The following ERBB4 variants were observed in gnomAD, a reference collection of about 807,000 sequenced individuals.
The protein encoded by ERBB4 is erb-b2 receptor tyrosine kinase 4.
In ERBB4, 42 loss-of-function variants were observed where a neutral mutation model predicts 158.0. That is an observed-to-expected ratio of 0.27 (90% CI 0.21 to 0.34). ERBB4 has a LOEUF of 0.34. Among genes scored for constraint, ERBB4 ranks in the 10% least tolerant of loss-of-function variants. The probability of loss-of-function intolerance (pLI) is 1.00; values close to 1 mark genes in which losing one functional copy is unlikely to be tolerated. For synonymous variants in ERBB4, 583 were observed against 558.7 expected, an observed-to-expected ratio of 1.04 and a Z score of -0.61; for missense variants, 1,333 against 1,624.1, an observed-to-expected ratio of 0.82 and a Z score of 3.08.
chr2:211,922,381 T>G (rs1458647532), intron 3 of ERBB4, among the ~76,000 whole-genome samples: 1 of 152,116 alleles, frequency 6.6e-6, no homozygotes, highest in East Asian at 1.9e-4. Flanking sequence ...ATATCAAAAG[T>G]CTCTCTGAAT....
intron 19 of ERBB4, among the ~76,000 whole-genome samples, chr2:211,599,670 A>G (rs2068742926): frequency 6.6e-6 from 1 of 152,046 alleles, no homozygotes; most frequent in Admixed American, 6.6e-5. Flanking sequence ...GCCACCATAA[A>G]TATTTCTGTA....
chr2:212,464,188 C>G (rs1057509580), intron 1 of ERBB4, among the ~76,000 whole-genome samples: 1 of 152,036 alleles, frequency 6.6e-6, no homozygotes, highest in African/African-American at 2.4e-5. Context: ...TTAATTATTG[C>G]TTTGAAATCA....
chr2:211,776,957 G>A (rs948435737), intron 4 of ERBB4, among the ~76,000 whole-genome samples: 2 of 152,078 alleles, frequency 1.3e-5, no homozygotes, highest in Admixed American at 6.6e-5. Context: ...TGGAGCGTTC[G>A]TGGTTAAAAT....
intron 18 of ERBB4, among the ~76,000 whole-genome samples, chr2:211,620,892 G>A (rs2069574782): frequency 6.6e-6 from 1 of 152,082 alleles, no homozygotes; most frequent in Admixed American, 6.6e-5. Context: ...GGTCTCTTGA[G>A]CTCAGGAGTT....
At chr2:211,864,193 T>TG (rs2078144438) in intron 3 of ERBB4, among the ~76,000 whole-genome samples, 1 of 152,334 alleles carries the variant, frequency 6.6e-6, no homozygotes, top group East Asian at 1.9e-4. Context: ...ACTGGCCCTT[T>TG]TTCCCACCTC....
At chr2:211,996,246 A>T (rs1376327326) in intron 2 of ERBB4, among the ~76,000 whole-genome samples, 3 of 152,118 alleles carry the variant, frequency 2.0e-5, no homozygotes, top group Non-Finnish European at 4.4e-5. Context: ...ATCTTTTCAT[A>T]AAATTAAAAA....
intron 19 of ERBB4, among the ~76,000 whole-genome samples, chr2:211,580,402 A>G (rs2068031774): frequency 6.6e-6 from 1 of 152,124 alleles, no homozygotes; most frequent in African/African-American, 2.4e-5. Context: ...AAAATGCTCA[A>G]CATCACTAAT....
chr2:212,211,487 T>C (rs1413970029), intron 1 of ERBB4, among the ~76,000 whole-genome samples: 1 of 152,064 alleles, frequency 6.6e-6, no homozygotes, highest in Non-Finnish European at 1.5e-5. Flanking sequence ...GAGTTAGACA[T>C]GTAGTCTACA....
intron 1 of ERBB4, among the ~76,000 whole-genome samples, chr2:212,514,175 A>G (rs1261476693): frequency 3.3e-5 from 5 of 151,802 alleles, no homozygotes; most frequent in African/African-American, 4.9e-5. Context: ...TTGCACTGAA[A>G]TTGTGTAAAA....
intron 3 of ERBB4, among the ~76,000 whole-genome samples, chr2:211,919,588 T>A (rs1234977092): frequency 6.6e-6 from 1 of 152,002 alleles, no homozygotes; most frequent in Admixed American, 6.6e-5. Context: ...TATTTATCCT[T>A]TGGGGCTCAT....
chr2:212,529,263 A>T (rs1000526923), intron 1 of ERBB4, among the ~76,000 whole-genome samples: 1 of 152,204 alleles, frequency 6.6e-6, no homozygotes, highest in African/African-American at 2.4e-5. Context: ...TAGCAAAATA[A>T]TAGCCATTAA....
intron 25 of ERBB4, among the ~76,000 whole-genome samples, chr2:211,407,111 A>G (rs1465081154): frequency 6.6e-6 from 1 of 151,988 alleles, no homozygotes. Context: ...AAAAAACTAA[A>G]CTCAAGGGGT....
At chr2:212,082,013 A>G (rs1311195591) in intron 2 of ERBB4, among the ~76,000 whole-genome samples, 1 of 152,104 alleles carries the variant, frequency 6.6e-6, no homozygotes, top group Non-Finnish European at 1.5e-5. Context: ...CCACGGAACA[A>G]TTATAATACT....
chr2:212,422,928 C>T (rs2091828733), intron 1 of ERBB4, among the ~76,000 whole-genome samples: 1 of 152,106 alleles, frequency 6.6e-6, no homozygotes, highest in South Asian at 2.1e-4. Context: ...ATATATCAGT[C>T]ATTGCTAACA....
At chr2:212,077,173 T>C (rs1363285448) in intron 2 of ERBB4, among the ~76,000 whole-genome samples, 1 of 152,062 alleles carries the variant, frequency 6.6e-6, no homozygotes, top group Non-Finnish European at 1.5e-5. Context: ...ATGGGAAGAC[T>C]TGTTATGGTA....
At chr2:211,567,167 C>T (rs911827287) in intron 19 of ERBB4, among the ~76,000 whole-genome samples, 2 of 152,168 alleles carry the variant, frequency 1.3e-5, no homozygotes, top group South Asian at 2.1e-4. Flanking sequence ...AGATTACCGG[C>T]CCAGGTCATG....
At chr2:212,263,942 T>C (rs892812982) in intron 1 of ERBB4, among the ~76,000 whole-genome samples, 23 of 152,142 alleles carry the variant, frequency 1.5e-4, no homozygotes, top group African/African-American at 5.1e-4. Flanking sequence ...CTTTGTAATA[T>C]CTATGGCTTG....
chr2:212,293,022 C>G (rs988476608), intron 1 of ERBB4, among the ~76,000 whole-genome samples: 4 of 151,908 alleles, frequency 2.6e-5, no homozygotes, highest in Non-Finnish European at 5.9e-5. Flanking sequence ...TGAGAAGAAG[C>G]TATAAAAACA....
chr2:212,194,139 T>A (rs2082354085), intron 1 of ERBB4, among the ~76,000 whole-genome samples: 1 of 151,766 alleles, frequency 6.6e-6, no homozygotes, highest in Non-Finnish European at 1.5e-5. Context: ...TGCAAAGCAA[T>A]AAAAGCTGAA....
Sources: gnomAD v4.1 joint callset for allele counts (sites outside exome capture counted in the v4.1 genomes callset) on GRCh38, gnomAD v4.1.1 for gene constraint, MANE v1.5 for transcripts, NCBI Gene and HGNC (gene_info 2026-07-23, HGNC 2026-07-21) for gene names.